WIZ: variants seen among roughly 807,000 people sequenced by gnomAD.
WIZ encodes protein Wiz.
A neutral mutation model predicts 140.2 loss-of-function variants in WIZ; 25 were observed. The ratio of observed to expected loss-of-function variants is 0.18; its 90% CI spans 0.13 to 0.25. The LOEUF is 0.25. Ranked by LOEUF, WIZ falls within the 10% of genes least tolerant of loss-of-function variation. The pLI is 1.00. For missense variants in WIZ, 2,231 were observed against 2,632.6 expected, an observed-to-expected ratio of 0.85 and a Z score of 3.34; for synonymous variants, 1,125 against 1,154.3, an observed-to-expected ratio of 0.97 and a Z score of 0.51.
In WIZ at chr19:15,429,570, T is replaced by C; in HGVS notation, c.3415+16A>G. Reference sequence around the variant, plus strand: ...CAGCGCCAGAACCTCCCTCGGCTCTTGGGACCCACACTCACTGAGGTTCAA... The same window carrying C: ...CAGCGCCAGAACCTCCCTCGGCTCTCGGGACCCACACTCACTGAGGTTCAA... On this transcript the variant is annotated intron_variant, in intron 7 of 12. Transcript: ENST00000673675. The C allele has an allele frequency of 7.4e-7, 1 of 1,344,684 alleles. No homozygotes were observed. Among genetic ancestry groups the C allele is most frequent in the Middle Eastern group, 2.3e-4 (1 of 4,408 alleles). The allele number at this position is 1,344,684 out of a possible 1,614,324, so 83.3% of individuals were successfully genotyped here. A position where few individuals can be genotyped will look rare whatever the true frequency, so the allele number is the denominator to read the frequency against.
At position 15,423,054 on chromosome 19, in the gene WIZ, G is replaced by A. The variant is rs1321259056; in HGVS notation, c.*22C>T. On this transcript the variant is annotated 3_prime_UTR_variant, in exon 13 of 13. Transcript: ENST00000673675. Reference sequence around the variant, plus strand: ...AAGAGGAGACAGAGGTGGCACGAGAGGGGATCTGGAATGCTTTTGTGTTAG... The same window carrying A: ...AAGAGGAGACAGAGGTGGCACGAGAAGGGATCTGGAATGCTTTTGTGTTAG... The A allele has an allele frequency of 2.5e-6, 4 of 1,607,670 alleles. No individual in the cohort carries two copies. The highest frequency in any genetic ancestry group is 2.2e-4 in the Middle Eastern group (1 of 4,504).
At chr19:15,447,619 T>C (rs1299996099) in intron 2 of WIZ, among the ~76,000 whole-genome samples, 1 of 152,182 alleles carries the variant, frequency 6.6e-6, no homozygotes, top group Admixed American at 6.5e-5. Context: ...GATACCTTTT[T>C]GCTGGGTAAA....
intron 5 of WIZ, among the ~76,000 whole-genome samples, chr19:15,432,741 G>C (rs534900632): frequency 6.6e-6 from 1 of 151,232 alleles, no homozygotes. Context: ...CGCCCCAGGC[G>C]GGAGCAGCTG....
Position 15,424,723 on chromosome 19 carries a change from C to A in WIZ, c.5204G>T (p.Gly1735Val). The change falls in exon 11 of 13, where the codon GGG becomes GTG. Residue 1735 changes from glycine (G) to valine (V), a missense_variant. Transcript: ENST00000673675. This position sits in a 1 kb window ranked among gnomAD's most constrained non-coding sequence, Gnocchi z 9.7. ...CCGGCCAGCCTCGGGCCCTGGCTCCCCTCCGGCACTGCGGCCGACCACGGC... is the reference window on the plus strand; with the variant it reads ...CCGGCCAGCCTCGGGCCCTGGCTCCACTCCGGCACTGCGGCCGACCACGGC... The part of the protein sequence containing the change: ...GLAVVGRSAG[G>V]EPGPEAGRAA... 1 of 1,577,242 alleles carries A rather than the reference C, an allele frequency of 6.3e-7. No homozygotes were observed. The highest frequency in any genetic ancestry group is 8.6e-7 in the Non-Finnish European group (1 of 1,167,382).
chr19:15,427,973 G>C lies in WIZ; in HGVS notation c.3814+137C>G, dbSNP rs1647434222. 7.8e-6 allele frequency: 10 copies of C among 1,282,498 alleles called. No individual in the cohort carries two copies. Among genetic ancestry groups the C allele is most frequent in the South Asian group, 7.7e-5 (5 of 64,670 alleles). 79.4% of individuals were successfully genotyped at this position (1,282,498 alleles called of 1,614,324 possible). Reference sequence around the variant, plus strand: ...GGGCCTAGCAGCCCACTGCCAACAAGATCTCTGGGCAGAACCGGCCCACTG... The same window carrying C: ...GGGCCTAGCAGCCCACTGCCAACAACATCTCTGGGCAGAACCGGCCCACTG... On this transcript the variant is annotated intron_variant, in intron 8 of 12. Coordinates refer to ENST00000673675, the MANE Select transcript of WIZ (RefSeq NM_001371589.1). This position sits in a 1 kb window ranked among gnomAD's most constrained non-coding sequence, Gnocchi z 6.4.
Position 15,424,341 on chromosome 19 carries a change from G to C in WIZ, c.5352C>G (p.Ser1784=). Residue 1784 remains serine, a synonymous_variant, in exon 12 of 13, where the codon TCC becomes TCG. Transcript: ENST00000673675. The surrounding 1 kb of genome is among the most constrained non-coding windows in gnomAD (Gnocchi z 9.7). The stretch of plus-strand genomic sequence containing the variant: ...TGGTGTCCTCGCCTCCCCGGGCTGC[G>C]GAGGCATCTGGAGGGCGGGCTTGTC... ...ERRQARPPDA[S]AARGGEDTND... The C allele has an allele frequency of 6.2e-7, 1 of 1,602,710 alleles. No individual in the cohort carries two copies. The highest frequency in any genetic ancestry group is 8.5e-7 in the Non-Finnish European group (1 of 1,176,770).
rs1968710460 is a variant in WIZ, at chr19:15,425,660, C to T, written c.4475G>A (p.Gly1492Asp). ...SHARSHLRQM[G>D]VTEWSVNGSP... ...ACCATTGACGGACCACTCGGTCACA[C>T]CCATCTGCCGCAGGTGTGAGCGCGC... Residue 1492 changes from glycine (G) to aspartate (D), a missense_variant, in exon 10 of 13, where the codon GGT becomes GAT. This residue lies in a region of WIZ where 393 missense variants were observed against 451.7 expected (regional missense o/e 0.87). Coordinates refer to ENST00000673675, the MANE Select transcript of WIZ (RefSeq NM_001371589.1). 6.2e-7 allele frequency: 1 copy of T among 1,613,608 alleles called. No individual in the cohort carries two copies. Among genetic ancestry groups the T allele is most frequent in the Non-Finnish European group, 8.5e-7 (1 of 1,179,958 alleles).
At position 15,429,575 on chromosome 19, in the gene WIZ, C is replaced by A; in HGVS notation, c.3415+11G>T. 7.3e-7 allele frequency: 1 copy of A among 1,362,940 alleles called. No homozygotes were observed. Among genetic ancestry groups the A allele is most frequent in the Non-Finnish European group, 9.4e-7 (1 of 1,059,846 alleles). The allele number at this position is 1,362,940 out of a possible 1,614,324, so 84.4% of individuals were successfully genotyped here. A position where few individuals can be genotyped will look rare whatever the true frequency, so the allele number is the denominator to read the frequency against. ...CCAGAACCTCCCTCGGCTCTTGGGA[C>A]CCACACTCACTGAGGTTCAAGGGCC... On this transcript the variant is annotated intron_variant, in intron 7 of 12. Coordinates refer to ENST00000673675, the MANE Select transcript of WIZ (RefSeq NM_001371589.1).
In WIZ at chr19:15,425,312, T is replaced by G. The variant is rs767844270; in HGVS notation, c.4823A>C (p.Lys1608Thr). 22 of 1,583,630 alleles carry G rather than the reference T, an allele frequency of 1.4e-5. No individual in the cohort carries two copies. The highest frequency in any genetic ancestry group is 1.1e-4 in the Admixed American group (6 of 55,858). ...TTCAGTCTGGATGTAGGTCTTGGCC[T>G]TGACCTCTGCTGGGAGGAGGCGGTC... ...QEDRLLPAEVKAKTYIQTELP... is the reference protein window; with the variant it reads ...QEDRLLPAEVTAKTYIQTELP... Residue 1608 changes from lysine (K) to threonine (T), a missense_variant, in exon 10 of 13, where the codon AAG (lysine) becomes ACG (threonine). Lys to Thr is a moderately conservative substitution (Grantham distance 78). Coordinates refer to ENST00000673675, the MANE Select transcript of WIZ (RefSeq NM_001371589.1).
rs766697266 is a variant in WIZ, at chr19:15,424,265, G to T, written c.5428C>A (p.Arg1810=). ...CGGGGCACCAGGGAGGGGACTGGCCGGACTCGGGGTGGGGGTTGCCGCACC... is the reference window on the plus strand; with the variant it reads ...CGGGGCACCAGGGAGGGGACTGGCCTGACTCGGGGTGGGGGTTGCCGCACC... ...EEVRQPPPRV[R]PVPSLVPRPP... is the part of the protein sequence containing the mutation. Residue 1810 remains arginine (R), a synonymous_variant, in exon 12 of 13, where the codon CGG becomes AGG. Transcript: ENST00000673675. This position sits in a 1 kb window ranked among gnomAD's most constrained non-coding sequence, Gnocchi z 9.7. The T allele has an allele frequency of 6.3e-7, 1 of 1,588,016 alleles. No homozygotes were observed.
intron 9 of WIZ, 128 bp downstream of exon 9, chr19:15,426,854 C>T: frequency 9.0e-7 from 1 of 1,110,026 alleles, no homozygotes; most frequent in South Asian, 1.5e-5. Context: ...CACAGCTAAC[C>T]CTGTGTCCTC....
In WIZ at chr19:15,428,393, G is replaced by A. The variant is rs1599666040; in HGVS notation, c.3531C>T (p.Ser1177=). 3.3e-6 allele frequency: 5 copies of A among 1,535,542 alleles called. No individual in the cohort carries two copies. Among genetic ancestry groups the A allele is most frequent in the Non-Finnish European group, 4.4e-6 (5 of 1,146,754 alleles). The change falls in exon 8 of 13, where the codon AGC becomes AGT. Residue 1177 remains serine (S), a synonymous_variant. Coordinates refer to ENST00000673675, the MANE Select transcript of WIZ (RefSeq NM_001371589.1). This position sits in a 1 kb window ranked among gnomAD's most constrained non-coding sequence, Gnocchi z 6.4. ...ARAHLRHLGV[S]DPDAKGSPID... is the part of the protein sequence containing the mutation. ...TGGGGGATCCCTTGGCGTCCGGATC[G>A]CTGACGCCCAGGTGGCGCAGGTGGG...
chr19:15,435,856 C>T (rs1484856151), intron 5 of WIZ, among the ~76,000 whole-genome samples: 1 of 152,100 alleles, frequency 6.6e-6, no homozygotes, highest in Admixed American at 6.6e-5. Context: ...GGCACAGTAG[C>T]TCACGCCTGT....
rs1324124140 is a variant in WIZ, at chr19:15,427,477, C to T, written c.3871G>A (p.Glu1291Lys). The part of the protein sequence containing the change: ...IRCEFCGEFF[E>K]NRKGLSSHAR... ...TGGCTCGAGAGGCCCTTGCGGTTCT[C>T]GAAGAACTCACCACAGAACTCGCAG... The change falls in exon 9 of 13, where the codon GAG (glutamate) becomes AAG (lysine). Residue 1291 changes from glutamate (E) to lysine (K), a missense_variant. This residue lies in a region of WIZ where 10 missense variants were observed against 36.3 expected (regional missense o/e 0.28). Transcript: ENST00000673675. The surrounding 1 kb of genome is among the most constrained non-coding windows in gnomAD (Gnocchi z 6.4). 1 of 1,613,234 alleles carries T rather than the reference C, an allele frequency of 6.2e-7. No homozygotes were observed. Among genetic ancestry groups the T allele is most frequent in the Non-Finnish European group, 8.5e-7 (1 of 1,179,876 alleles).
chr19:15,448,330 A>C lies in WIZ; in HGVS notation c.-23T>G. ...CATCGGATTTTCTCTGCTTGGATCC[A>C]CTCAGCTGCTGCACCGGCTCAGCGG... is the stretch of plus-strand genomic sequence containing the variant. On this transcript the variant is annotated 5_prime_UTR_variant, in exon 2 of 13. Transcript: ENST00000673675. 5.0e-6 allele frequency: 8 copies of C among 1,607,708 alleles called. No homozygotes were observed. The highest frequency in any genetic ancestry group is 6.8e-6 in the Non-Finnish European group (8 of 1,179,226).
Position 15,438,810 on chromosome 19 carries a change from G to A in WIZ, c.2184C>T (p.Gly728=). The change falls in exon 4 of 13, where the codon GGC becomes GGT. Residue 728 remains glycine (G), a synonymous_variant. Coordinates refer to ENST00000673675, the MANE Select transcript of WIZ (RefSeq NM_001371589.1). The part of the protein sequence containing the change: ...DFLLLDAPLG[G]PLGLDTLLDG... ...CCAGGAGTGTGTCCAGCCCCAGCGG[G>A]CCGCCCAGCGGCGCGTCCAGGAGCA... 6.6e-7 allele frequency: 1 copy of A among 1,514,684 alleles called. No homozygotes were observed. Among genetic ancestry groups the A allele is most frequent in the Non-Finnish European group, 8.8e-7 (1 of 1,130,728 alleles). 93.8% of individuals were successfully genotyped at this position (1,514,684 alleles called of 1,614,324 possible).
Position 15,424,587 on chromosome 19 carries a change from C to G in WIZ, c.5314+26G>C. On this transcript the variant is annotated intron_variant, in intron 11 of 12. Coordinates refer to ENST00000673675, the MANE Select transcript of WIZ (RefSeq NM_001371589.1). This position sits in a 1 kb window ranked among gnomAD's most constrained non-coding sequence, Gnocchi z 9.7. ...GGCCTGACAGGTGCCCGCTGCGCTC[C>G]CGACCCTCCTCCACCAAGCACTCAC... 6.4e-7 allele frequency: 1 copy of G among 1,571,714 alleles called. No individual in the cohort carries two copies. Among genetic ancestry groups the G allele is most frequent in the Non-Finnish European group, 8.6e-7 (1 of 1,166,964 alleles).
At chr19:15,433,504 C>T (rs1022781150) in intron 5 of WIZ, among the ~76,000 whole-genome samples, 10 of 152,192 alleles carry the variant, frequency 6.6e-5, no homozygotes, top group Non-Finnish European at 4.4e-5. Context: ...CAATCACTCC[C>T]TAACCGCCAA....
At position 15,423,159 on chromosome 19, in the gene WIZ, C is replaced by T; in HGVS notation, c.5587G>A (p.Glu1863Lys). 6.2e-7 allele frequency: 1 copy of T among 1,613,510 alleles called. No individual in the cohort carries two copies. The highest frequency in any genetic ancestry group is 8.5e-7 in the Non-Finnish European group (1 of 1,179,952). Residue 1863 changes from glutamate (E) to lysine (K), a missense_variant, in exon 13 of 13, where the codon GAG becomes AAG. By Grantham distance (56) the Glu-to-Lys change is moderately conservative. Transcript: ENST00000673675. ...WVRHLQRHIL[E>K]MNFSKADPPP... The stretch of plus-strand genomic sequence containing the variant: ...GGGTCCGCTTTGGAGAAGTTCATCT[C>T]CAGGATGTGCCGCTGTAAGTGCCGC...
Sources: gnomAD v4.1 joint callset for allele counts (sites outside exome capture counted in the v4.1 genomes callset) on GRCh38, gnomAD v4.1.1 for gene constraint, gnomAD v4.1.1 regional missense constraint, Gnocchi (gnomAD v3.1) non-coding constraint, MANE v1.5 for transcripts, NCBI Gene and HGNC (gene_info 2026-07-23, HGNC 2026-07-21) for gene names.